Variants in MGST1 observed in about 807,000 individuals in gnomAD.
MGST1 encodes microsomal glutathione S-transferase 1, also known as glutathione S-transferase 12.
MGST1 carries 5 observed loss-of-function variants against 8.9 expected under a neutral mutation model. The ratio of observed to expected loss-of-function variants is 0.56; its 90% CI spans 0.29 to 1.19. The LOEUF (loss-of-function observed/expected upper bound fraction) is 1.19. Among genes scored for constraint, MGST1 ranks in the 50% most tolerant of loss-of-function variants. MGST1 has a pLI of 0.08. For synonymous variants in MGST1, 54 were observed against 67.8 expected (o/e 0.80, Z 1.00); for missense variants, 182 against 187.4 (o/e 0.97, Z 0.17).
downstream of MGST1, among the ~76,000 whole-genome samples, chr12:16,591,800 C>A (rs1943502963): frequency 6.6e-6 from 1 of 152,026 alleles, no homozygotes; most frequent in Admixed American, 6.6e-5. The surrounding 1 kb of genome is among the most constrained non-coding windows in gnomAD (Gnocchi z 4.1). Context: ...AAGCTCAAAG[C>A]TCAGCTTTCA....
intron 4 of MGST1, among the ~76,000 whole-genome samples, chr12:16,473,583 T>A (rs1941302170): frequency 6.6e-6 from 1 of 152,236 alleles, no homozygotes; most frequent in Admixed American, 6.5e-5. Flanking sequence ...GAAATAATCT[T>A]TCTATTTATT....
At chr12:16,427,542 C>T (rs1045562495) in intron 1 of MGST1, among the ~76,000 whole-genome samples, 5 of 151,978 alleles carry the variant, frequency 3.3e-5, no homozygotes, top group African/African-American at 1.2e-4. Context: ...CTACCATGCC[C>T]AGCTAATTTT....
At chr12:16,473,481 T>C (rs554916752) in intron 4 of MGST1, among the ~76,000 whole-genome samples, 75 of 152,338 alleles carry the variant, frequency 4.9e-4, no homozygotes, top group African/African-American at 1.8e-3. Context: ...TGAATTAAAT[T>C]AAGCATAACC....
Position 16,363,628 on chromosome 12 carries a change from A to G in MGST1, c.222-167A>G, listed in dbSNP as rs1940097358. 8.2e-6 allele frequency: 4 copies of G among 489,514 alleles called. No homozygotes were observed. The highest frequency in any genetic ancestry group is 1.4e-5 in the Non-Finnish European group (4 of 296,040). 30.3% of individuals were successfully genotyped at this position (489,514 alleles called of 1,614,324 possible). On this transcript the variant is annotated intron_variant, in intron 3 of 3. Transcript: ENST00000396210. The surrounding 1 kb of genome is among the most constrained non-coding windows in gnomAD (Gnocchi z 4.6). ...GAAATAATGAGAGATTCTAAATAAA[A>G]GTCAAGTGGGCAAGGAAGCAAGACA...
chr12:16,390,208 A>G (rs559039465), intron 1 of MGST1, among the ~76,000 whole-genome samples: 1 of 152,358 alleles, frequency 6.6e-6, no homozygotes, highest in East Asian at 1.9e-4. Context: ...GGAAAAAAAA[A>G]AAGAACAATT....
intron 1 of MGST1, among the ~76,000 whole-genome samples, chr12:16,393,536 A>G (rs1209512498): frequency 2.0e-5 from 3 of 152,200 alleles, no homozygotes; most frequent in African/African-American, 7.2e-5. Flanking sequence ...GATTTGGAAC[A>G]TTGTTTCATC....
rs961143463 is a variant in MGST1, at chr12:16,454,139, G to A, written n.482+70535G>A. ...AGCTGATCACACAGCCAGTGGCAGA[G>A]CTAGGACTGGGATTCAGATTGCTAA... is the stretch of plus-strand genomic sequence containing the variant. On this transcript the variant is annotated intron_variant and non_coding_transcript_variant, in intron 4 of 4. Transcript: ENST00000538857. Among the ~76,000 whole-genome samples, 4 of 151,872 alleles carry A rather than the reference G, an allele frequency of 2.6e-5. No individual in the cohort carries two copies. The East Asian group carries it at 7.8e-4, about 29-fold the overall frequency.
At chr12:16,557,547 G>A (rs1942238602) in intron 4 of MGST1, among the ~76,000 whole-genome samples, 1 of 151,942 alleles carries the variant, frequency 6.6e-6, no homozygotes, top group Admixed American at 6.6e-5. Context: ...CATGCTCTGT[G>A]AATTTAACCA....
At chr12:16,406,382 A>ATT (rs774257767) in intron 1 of MGST1, among the ~76,000 whole-genome samples, 6 of 152,230 alleles carry the variant, frequency 3.9e-5, no homozygotes, top group Admixed American at 2.6e-4. Flanking sequence ...TACAATGAGA[A>ATT]TTACAAAACG....
chr12:16,567,203 A>G (rs1383252249), intron 4 of MGST1, among the ~76,000 whole-genome samples: 6 of 150,958 alleles, frequency 4.0e-5, no homozygotes, highest in Non-Finnish European at 8.8e-5. Context: ...CCTCAAAACA[A>G]ACAAACAAAC....
chr12:16,432,752 G>GAGTTCTCC (rs1274521138), intron 1 of MGST1, among the ~76,000 whole-genome samples: 1 of 147,784 alleles, frequency 6.8e-6, no homozygotes, highest in Non-Finnish European at 1.5e-5. Context: ...AATATTGTCA[G>GAGTTCTCC]AGTTCTCCAG....
intron 4 of MGST1, among the ~76,000 whole-genome samples, chr12:16,506,804 A>G (rs907231877): frequency 6.6e-6 from 1 of 152,228 alleles, no homozygotes; most frequent in Non-Finnish European, 1.5e-5. Flanking sequence ...AGAGAACACA[A>G]TTTCAGCATG....
chr12:16,411,534 A>G (rs1010191368), intron 1 of MGST1, among the ~76,000 whole-genome samples: 12 of 152,152 alleles, frequency 7.9e-5, no homozygotes, highest in African/African-American at 2.9e-4. Flanking sequence ...TTTCTTTAAT[A>G]ATATACGATG....
rs569245087 is a variant in MGST1, at chr12:16,586,074, A to G, written n.483-3454A>G. 4.6e-5 allele frequency among the ~76,000 whole-genome samples: 7 copies of G among 152,308 alleles called. No homozygotes were observed. The South Asian group carries it at 8.3e-4, about 18-fold the overall frequency. On this transcript the variant is annotated intron_variant and non_coding_transcript_variant, in intron 4 of 4. Coordinates refer to the MGST1 transcript ENST00000538857. The surrounding 1 kb of genome is among the most constrained non-coding windows in gnomAD (Gnocchi z 4.3). ...GGAAAACAGCAAAACCTTGATGTACAATTCCATAAAAATTTTTGAGGGGCC... is the reference window on the plus strand; with the variant it reads ...GGAAAACAGCAAAACCTTGATGTACGATTCCATAAAAATTTTTGAGGGGCC...
At chr12:16,518,546 G>A (rs1941628770) in intron 4 of MGST1, among the ~76,000 whole-genome samples, 1 of 152,038 alleles carries the variant, frequency 6.6e-6, no homozygotes, top group African/African-American at 2.4e-5. Context: ...TATTTATTCT[G>A]TGACAGCAGG....
In MGST1 at chr12:16,503,546, A is replaced by C. The variant is rs1448730829; in HGVS notation, n.483-85982A>C. The stretch of plus-strand genomic sequence containing the variant: ...ATGAACATTTTCTGTTCACCACTCT[A>C]TCTCTTCTCTACTATTGGCTTCATA... On this transcript the variant is annotated intron_variant and non_coding_transcript_variant, in intron 4 of 4. Transcript: ENST00000538857. The surrounding 1 kb of genome is among the most constrained non-coding windows in gnomAD (Gnocchi z 4.8). Among the ~76,000 whole-genome samples the C allele has an allele frequency of 1.3e-5, 2 of 152,112 alleles. No homozygotes were observed. Among genetic ancestry groups the C allele is most frequent in the African/African-American group, 4.8e-5 (2 of 41,414 alleles).
chr12:16,358,311 C>G (rs1939822328), intron 3 of MGST1, among the ~76,000 whole-genome samples: 1 of 152,094 alleles, frequency 6.6e-6, no homozygotes, highest in Admixed American at 6.5e-5. Context: ...CTAATAGTCC[C>G]CAAAATCTAT....
At chr12:16,372,574 G>C (rs1940311911) in intron 3 of MGST1, among the ~76,000 whole-genome samples, 1 of 151,992 alleles carries the variant, frequency 6.6e-6, no homozygotes, top group Admixed American at 6.6e-5. Context: ...TTACACTGTT[G>C]GTGGGGATGT....
Position 16,544,246 on chromosome 12 carries a change from A to T in MGST1, n.483-45282A>T, listed in dbSNP as rs1941810033. Reference sequence around the variant, plus strand: ...TACACACACACACACACACACACACACACACACACACACACACAAAACATA... The same window carrying T: ...TACACACACACACACACACACACACTCACACACACACACACACAAAACATA... On this transcript the variant is annotated intron_variant and non_coding_transcript_variant, in intron 4 of 4. Coordinates refer to the MGST1 transcript ENST00000538857. This position sits in a 1 kb window ranked among gnomAD's most constrained non-coding sequence, Gnocchi z 4.8. Among the ~76,000 whole-genome samples, 6 of 151,604 alleles carry T rather than the reference A, an allele frequency of 4.0e-5. No homozygotes were observed. In the South Asian group the frequency reaches 1.3e-3, roughly 32 times the overall value.
Sources: allele counts gnomAD v4.1 joint callset (sites outside exome capture counted in the v4.1 genomes callset), GRCh38; gene constraint gnomAD v4.1.1; non-coding constraint Gnocchi (gnomAD v3.1); transcripts MANE v1.5; gene names NCBI Gene and HGNC (gene_info 2026-07-23, HGNC 2026-07-21).